Variants in GRIA4 observed in about 807,000 individuals in gnomAD.
The protein encoded by GRIA4 is glutamate receptor 4.
In GRIA4, 34 loss-of-function variants were observed where a neutral mutation model predicts 104.0. The observed-to-expected ratio is 0.33, with a 90% CI of 0.25 to 0.44. GRIA4 has a LOEUF of 0.44. Ranked by LOEUF, GRIA4 falls within the 20% of genes least tolerant of loss-of-function variation. The pLI, the probability that GRIA4 is intolerant of heterozygous loss-of-function variation, is 1.00. For missense variants in GRIA4, 750 were observed against 1,096.5 expected (o/e 0.68, Z 4.46); for synonymous variants, 386 against 381.9 (o/e 1.01, Z -0.13).
At chr11:105,638,760 T>G (rs1951278849) in intron 3 of GRIA4, among the ~76,000 whole-genome samples, 2 of 152,136 alleles carry the variant, frequency 1.3e-5, no homozygotes, top group Non-Finnish European at 2.9e-5. Context: ...TTTCACTTTA[T>G]CTGTACTCTT....
intron 4 of GRIA4, among the ~76,000 whole-genome samples, chr11:105,802,286 G>A (rs551837158): frequency 3.9e-5 from 6 of 152,250 alleles, no homozygotes; most frequent in Middle Eastern, 3.4e-3. Context: ...TGCTGGACCA[G>A]GAGATGTTGA....
At position 105,789,095 on chromosome 11, in the gene GRIA4, A is replaced by T. The variant is rs2155044; in HGVS notation, c.487+35875A>T. On this transcript the variant is annotated intron_variant, in intron 4 of 16. Transcript: ENST00000282499. ...GGAATCTACCCTCATTCTGAAAATA[A>T]AATCTGACCAAAAGATAAAAAAGCA... Among the ~76,000 whole-genome samples, 848 of 152,286 alleles carry T rather than the reference A, an allele frequency of 5.6e-3. 7 individuals are homozygous for T. The highest frequency in any genetic ancestry group is 0.019 in the African/African-American group (799 of 41,562).
intron 3 of GRIA4, among the ~76,000 whole-genome samples, chr11:105,746,093 TA>T (rs2135671783): frequency 6.6e-6 from 1 of 152,168 alleles, no homozygotes; most frequent in South Asian, 2.1e-4. Flanking sequence ...GCTACATGTC[TA>T]ATAATAATTA....
intron 3 of GRIA4, among the ~76,000 whole-genome samples, chr11:105,619,076 G>GA (rs35180533): frequency 6.7e-6 from 1 of 149,104 alleles, no homozygotes; most frequent in African/African-American, 2.5e-5. Context: ...TATATGACCA[G>GA]AAAAAAAAAA....
chr11:105,839,961 C>T (rs1299676204), intron 4 of GRIA4, among the ~76,000 whole-genome samples: 2 of 152,028 alleles, frequency 1.3e-5, no homozygotes, highest in African/African-American at 4.8e-5. Flanking sequence ...GAAAAGTAGG[C>T]TTAAGCCTAC....
At chr11:105,866,551 G>GTGTATATATATATATA (rs1299256765) in intron 5 of GRIA4, among the ~76,000 whole-genome samples, 51 of 76,672 alleles carry the variant, frequency 6.7e-4, no homozygotes, top group African/African-American at 1.8e-3. Flanking sequence ...GTGTGTGTGT[G>GTGTATATATATATATA]TATATATATA....
intron 3 of GRIA4, among the ~76,000 whole-genome samples, chr11:105,752,600 T>C (rs1940067276): frequency 6.6e-6 from 1 of 152,158 alleles, no homozygotes; most frequent in South Asian, 2.1e-4. Context: ...TATAATTGTA[T>C]GTTTGCATGT....
rs141339823 is a variant in GRIA4 at position 105,769,117 on chromosome 11, A to C, written c.487+15897A>C. Among the ~76,000 whole-genome samples, 6 of 152,146 alleles carry C rather than the reference A, an allele frequency of 3.9e-5. No individual in the cohort carries two copies. In the East Asian group the frequency reaches 1.2e-3, roughly 29 times the overall value. On this transcript the variant is annotated intron_variant, in intron 4 of 16. Coordinates refer to ENST00000282499, the MANE Select transcript of GRIA4 (RefSeq NM_000829.4). ...AATTCTAGTAAGAGAATTATGAAGC[A>C]AGGGTCAAGGACTAGGTCTTGGTCT...
intron 3 of GRIA4, among the ~76,000 whole-genome samples, chr11:105,647,831 T>A (rs1951572842): frequency 6.6e-6 from 1 of 151,994 alleles, no homozygotes; most frequent in South Asian, 2.1e-4. Flanking sequence ...ATCAGGCACG[T>A]GCCTGTAGTC....
chr11:105,932,407 C>G (rs1382232354), intron 13 of GRIA4, among the ~76,000 whole-genome samples: 1 of 152,122 alleles, frequency 6.6e-6, no homozygotes, highest in East Asian at 1.9e-4. Flanking sequence ...GATCCACCTG[C>G]CTCAGACTCC....
chr11:105,832,032 G>A (rs1159949483), intron 4 of GRIA4, among the ~76,000 whole-genome samples: 3 of 152,014 alleles, frequency 2.0e-5, no homozygotes, highest in Admixed American at 2.0e-4. Context: ...ACTTAGGTAT[G>A]CGATGGATAG....
chr11:105,713,404 C>T (rs906335304), intron 3 of GRIA4, among the ~76,000 whole-genome samples: 5 of 151,844 alleles, frequency 3.3e-5, no homozygotes, highest in Non-Finnish European at 5.9e-5. Context: ...TTCTGAAATT[C>T]TGAATACATT....
At chr11:105,979,087 G>A (rs762376923) in intron 16 of GRIA4, among the ~76,000 whole-genome samples, 6 of 152,148 alleles carry the variant, frequency 3.9e-5, no homozygotes, top group Non-Finnish European at 5.9e-5. Flanking sequence ...AAGTGTCTGT[G>A]GATAGGTCTG....
intron 5 of GRIA4, among the ~76,000 whole-genome samples, chr11:105,865,401 T>G (rs1279991179): frequency 6.6e-6 from 1 of 152,196 alleles, no homozygotes; most frequent in South Asian, 2.1e-4. Context: ...AAATCTAAAA[T>G]GAGAAGTATT....
intron 3 of GRIA4, among the ~76,000 whole-genome samples, chr11:105,709,333 CA>C (rs900050311): frequency 2.6e-5 from 4 of 151,890 alleles, no homozygotes; most frequent in Admixed American, 1.3e-4. Context: ...GGTAAACTTC[CA>C]ATGAATAATG....
chr11:105,706,028 C>T (rs1953685188), intron 3 of GRIA4, among the ~76,000 whole-genome samples: 4 of 152,124 alleles, frequency 2.6e-5, no homozygotes, highest in African/African-American at 9.7e-5. Context: ...AACAGAATTT[C>T]GTACATCCAC....
At chr11:105,644,294 A>T (rs1057356936) in intron 3 of GRIA4, among the ~76,000 whole-genome samples, 3 of 152,084 alleles carry the variant, frequency 2.0e-5, no homozygotes, top group East Asian at 3.9e-4. Context: ...GTTGAGTCTA[A>T]CACTTTATCT....
intron 3 of GRIA4, among the ~76,000 whole-genome samples, chr11:105,643,639 G>T (rs565786284): frequency 1.3e-5 from 2 of 152,304 alleles, no homozygotes; most frequent in East Asian, 3.9e-4. Context: ...TTATAGAAAA[G>T]GGGGTAGTGG....
intron 5 of GRIA4, among the ~76,000 whole-genome samples, chr11:105,883,019 G>A (rs1214556509): frequency 1.3e-5 from 2 of 151,950 alleles, no homozygotes; most frequent in Non-Finnish European, 2.9e-5. Context: ...CCTGATTATA[G>A]AATTTAATTA....
Sources: allele counts gnomAD v4.1 joint callset (sites outside exome capture counted in the v4.1 genomes callset), GRCh38; gene constraint gnomAD v4.1.1; transcripts MANE v1.5; gene names NCBI Gene and HGNC (gene_info 2026-07-23, HGNC 2026-07-21).